Variants in ST6GALNAC2 observed in about 807,000 individuals in gnomAD.
The protein encoded by ST6GALNAC2 is ST6 N-acetylgalactosaminide alpha-2,6-sialyltransferase 2.
ST6GALNAC2 carries 42 observed loss-of-function variants against 38.7 expected under a neutral mutation model. That is an observed-to-expected ratio of 1.09 (90% CI 0.85 to 1.40). The LOEUF (loss-of-function observed/expected upper bound fraction) is 1.40. ST6GALNAC2 is among the 40% of genes most tolerant of loss of function. The probability of loss-of-function intolerance (pLI) is 0.00; values close to 1 mark genes in which losing one functional copy is unlikely to be tolerated. For synonymous variants in ST6GALNAC2, 233 were observed against 209.0 expected, an observed-to-expected ratio of 1.11 and a Z score of -0.99; for missense variants, 506 against 481.7, an observed-to-expected ratio of 1.05 and a Z score of -0.47.
In ST6GALNAC2 at chr17:76,575,270, C is replaced by G. The variant is rs186121413; in HGVS notation, c.187-731G>C. 2.6e-4 allele frequency among the ~76,000 whole-genome samples: 39 copies of G among 152,258 alleles called. No homozygotes were observed. In the East Asian group the frequency reaches 7.5e-3, roughly 29 times the overall value. The stretch of plus-strand genomic sequence containing the variant: ...TATAATTTGTGTGTGAACAGGCTGC[C>G]AGGAAGATCCGTGATAGTCTTTCTT... On this transcript the variant is annotated intron_variant, in intron 2 of 8. Transcript: ENST00000225276.
intron 5 of ST6GALNAC2, chr17:76,570,960 A>G (rs4789315): frequency 0.5 from 157,410 of 311,930 alleles, 43,585 homozygotes; most frequent in East Asian, 0.76. Flanking sequence ...TGGCTTAGAG[A>G]CTAGGTCATA....
intron 1 of ST6GALNAC2, among the ~76,000 whole-genome samples, chr17:76,582,450 C>T (rs1215213589): frequency 3.5e-5 from 5 of 144,200 alleles, no homozygotes; most frequent in East Asian, 4.3e-4. Flanking sequence ...ATTATAGGCA[C>T]GAGCCACCAT....
chr17:76,580,424 G>A lies in ST6GALNAC2; in HGVS notation c.126-1608C>T, dbSNP rs898868046. ...AAGAGTGAAACTCCTGGCCGGGTGC[G>A]GTGGCTCACGTCTGTAATCCCAGCA... is the stretch of plus-strand genomic sequence containing the variant. On this transcript the variant is annotated intron_variant, in intron 1 of 8. Coordinates refer to ENST00000225276, the MANE Select transcript of ST6GALNAC2 (RefSeq NM_006456.3). 3.4e-5 allele frequency among the ~76,000 whole-genome samples: 5 copies of A among 148,060 alleles called. 1 individual carries two copies. The highest frequency in any genetic ancestry group is 1.5e-5 in the Non-Finnish European group (1 of 67,142).
In ST6GALNAC2 at chr17:76,580,186, C is replaced by T. The variant is rs556505675; in HGVS notation, c.126-1370G>A. Among the ~76,000 whole-genome samples, 5 of 152,230 alleles carry T rather than the reference C, an allele frequency of 3.3e-5. No homozygotes were observed. The South Asian group carries it at 8.3e-4, about 25-fold the overall frequency. On this transcript the variant is annotated intron_variant, in intron 1 of 8. Transcript: ENST00000225276. ...CTGTAATCCCAGTACTTTGGGAGAC[C>T]GAGGTGGGTGGATCACGAGGTCAGG...
At chr17:76,570,953 C>T in intron 5 of ST6GALNAC2, 1 of 367,190 alleles carries the variant, frequency 2.7e-6, no homozygotes, top group Non-Finnish European at 5.1e-6. Flanking sequence ...TGGTGTGTGG[C>T]TTAGAGACTA....
chr17:76,574,381 C>G lies in ST6GALNAC2; in HGVS notation c.345G>C (p.Arg115=). ...GCGGGTTACCTTGGTGAGAGAGCCC[C>G]CGCCAGCCATACGGGGCTTTGTGTT... is the stretch of plus-strand genomic sequence containing the variant. ...LSQHKAPYGW[R]GLSHQVIAST... The change falls in exon 3 of 9, where the codon CGG becomes CGC. Residue 115 remains arginine, a synonymous_variant. Coordinates refer to ENST00000225276, the MANE Select transcript of ST6GALNAC2 (RefSeq NM_006456.3). 2 of 1,612,854 alleles carry G rather than the reference C, an allele frequency of 1.2e-6. No individual in the cohort carries two copies. Among genetic ancestry groups the G allele is most frequent in the African/African-American group, 1.3e-5 (1 of 75,038 alleles).
intron 6 of ST6GALNAC2, chr17:76,569,282 A>G: frequency 8.3e-6 from 2 of 241,242 alleles, no homozygotes; most frequent in Non-Finnish European, 1.4e-5. Flanking sequence ...GGCCCGATAT[A>G]GGAAGATGAG....
intron 1 of ST6GALNAC2, among the ~76,000 whole-genome samples, chr17:76,580,478 A>C (rs2075462586): frequency 6.6e-6 from 1 of 151,496 alleles, no homozygotes; most frequent in Non-Finnish European, 1.5e-5. Flanking sequence ...GGTGGATCAC[A>C]AGTTCAGGAG....
chr17:76,580,107 A>G (rs1022685979), intron 1 of ST6GALNAC2, among the ~76,000 whole-genome samples: 3 of 152,200 alleles, frequency 2.0e-5, no homozygotes, highest in Non-Finnish European at 2.9e-5. Context: ...CAGAGACTGT[A>G]TGTTAGCACA....
rs1567930701 is a variant in ST6GALNAC2 at position 76,574,442 on chromosome 17, T to TC, written c.283dup (p.Asp95GlyfsTer79). The TC allele has an allele frequency of 1.9e-6, 3 of 1,612,924 alleles. No individual in the cohort carries two copies. The highest frequency in any genetic ancestry group is 2.5e-6 in the Non-Finnish European group (3 of 1,179,722). On this transcript the variant is annotated frameshift_variant, in exon 3 of 9. Coordinates refer to ENST00000225276, the MANE Select transcript of ST6GALNAC2 (RefSeq NM_006456.3). LOFTEE classifies it high-confidence loss of function. ...GTCCCAGAGCGCTGGGGTGAAGAGGTCCCCCCACAGCAGCACTGGAATGGA... is the reference window on the plus strand; with the variant it reads ...GTCCCAGAGCGCTGGGGTGAAGAGGTCCCCCCCACAGCAGCACTGGAATGGA...
intron 5 of ST6GALNAC2, among the ~76,000 whole-genome samples, chr17:76,572,134 G>A (rs1324416176): frequency 1.3e-5 from 2 of 152,042 alleles, no homozygotes; most frequent in Non-Finnish European, 2.9e-5. Flanking sequence ...TCTGGAAATG[G>A]GTACACGGGT....
chr17:76,568,448 G>A, intron 7 of ST6GALNAC2: 1 of 499,030 alleles, frequency 2.0e-6, no homozygotes, highest in South Asian at 2.7e-5. Flanking sequence ...CCAGCTCCCA[G>A]TCTGTGCCTT....
In ST6GALNAC2 at chr17:76,570,604, A is replaced by G; in HGVS notation, c.734T>C (p.Leu245Pro). 6.2e-7 allele frequency: 1 copy of G among 1,613,302 alleles called. No homozygotes were observed. Among genetic ancestry groups the G allele is most frequent in the Non-Finnish European group, 8.5e-7 (1 of 1,179,784 alleles). ...RDYVMLRSAILGVPVPEGLDK... is the reference protein window; with the variant it reads ...RDYVMLRSAIPGVPVPEGLDK... The stretch of plus-strand genomic sequence containing the variant: ...TAGGCCCTCAGGGACAGGCACGCCC[A>G]GAATGGCCGATCTCAGCATCACATA... Residue 245 changes from leucine (L) to proline (P), a missense_variant, in exon 6 of 9, where the codon CTG becomes CCG. Coordinates refer to ENST00000225276, the MANE Select transcript of ST6GALNAC2 (RefSeq NM_006456.3).
At chr17:76,570,439 G>T in intron 6 of ST6GALNAC2, 126 bp downstream of exon 6, 1 of 635,752 alleles carries the variant, frequency 1.6e-6, no homozygotes, top group Non-Finnish European at 2.8e-6. Context: ...AATTCTTAGG[G>T]CTGTTCTTAC....
intron 1 of ST6GALNAC2, 74 bp from the exon 2 acceptor site, chr17:76,578,890 C>T: frequency 2.9e-6 from 4 of 1,365,566 alleles, no homozygotes; most frequent in Non-Finnish European, 4.1e-6. Flanking sequence ...GACTGACCGA[C>T]CCCCTTAGCT....
At chr17:76,577,064 T>C (rs1255608632) in intron 2 of ST6GALNAC2, among the ~76,000 whole-genome samples, 162 of 1,354 alleles carry the variant, frequency 0.12, no homozygotes, top group Middle Eastern at 0.5. Context: ...CTTTTTTTTC[T>C]TTTTTTTTTT....
At position 76,578,035 on chromosome 17, in the gene ST6GALNAC2, T is replaced by G. The variant is rs556826286; in HGVS notation, c.186+721A>C. Among the ~76,000 whole-genome samples, 7 of 152,266 alleles carry G rather than the reference T, an allele frequency of 4.6e-5. No individual in the cohort carries two copies. In the East Asian group the frequency reaches 1.4e-3, roughly 29 times the overall value. On this transcript the variant is annotated intron_variant, in intron 2 of 8. Coordinates refer to ENST00000225276, the MANE Select transcript of ST6GALNAC2 (RefSeq NM_006456.3). The stretch of plus-strand genomic sequence containing the variant: ...TCTCTTGGGCATGGAAAACACCTCT[T>G]AAGCCTGTATTAATCCAGAACAACA...
At chr17:76,569,826 A>C in intron 6 of ST6GALNAC2, 1 of 158,310 alleles carries the variant, frequency 6.3e-6, no homozygotes. Flanking sequence ...CCACCTGTAA[A>C]GCTGCTCTGT....
chr17:76,569,999 G>C (rs2075334938), intron 6 of ST6GALNAC2: 1 of 167,256 alleles, frequency 6.0e-6, no homozygotes, highest in African/African-American at 2.4e-5. Context: ...TGGCTCAAGA[G>C]AGCTGGACCC....
Sources: allele counts gnomAD v4.1 joint callset (sites outside exome capture counted in the v4.1 genomes callset), GRCh38; gene constraint gnomAD v4.1.1; transcripts MANE v1.5; gene names NCBI Gene and HGNC (gene_info 2026-07-23, HGNC 2026-07-21).